Variants in LRRC36 observed in about 807,000 individuals in gnomAD.
The protein encoded by LRRC36 is leucine-rich repeat-containing protein 36.
A neutral mutation model predicts 81.1 loss-of-function variants in LRRC36; 62 were observed. That is an observed-to-expected ratio of 0.76 (90% confidence interval 0.62 to 0.94). The LOEUF (loss-of-function observed/expected upper bound fraction) is 0.94, where lower values mean the gene tolerates loss of function less well. LRRC36 is among the 40% of genes least tolerant of loss of function. The pLI is 0.00. For synonymous variants in LRRC36, 334 were observed against 348.6 expected, an observed-to-expected ratio of 0.96 and a Z score of 0.47; for missense variants, 761 against 881.7, an observed-to-expected ratio of 0.86 and a Z score of 1.73.
intron 1 of LRRC36, among the ~76,000 whole-genome samples, chr16:67,328,309 A>C (rs1345399253): frequency 6.6e-6 from 1 of 152,160 alleles, no homozygotes; most frequent in Non-Finnish European, 1.5e-5. Flanking sequence ...CAGGAGATCG[A>C]GACCATCCTG....
chr16:67,366,191 T>C (rs2039376968), intron 7 of LRRC36, among the ~76,000 whole-genome samples: 1 of 152,124 alleles, frequency 6.6e-6, no homozygotes, highest in South Asian at 2.1e-4. Flanking sequence ...CTCAATCTGT[T>C]GCCCAGGCTG....
intron 8 of LRRC36, among the ~76,000 whole-genome samples, chr16:67,368,741 T>C (rs1182936180): frequency 6.6e-6 from 1 of 152,056 alleles, no homozygotes; most frequent in African/African-American, 2.4e-5. Context: ...TTAAAATGCT[T>C]TGGAGAGATT....
chr16:67,355,533 C>A (rs1447523854), intron 5 of LRRC36, among the ~76,000 whole-genome samples: 1 of 151,412 alleles, frequency 6.6e-6, no homozygotes, highest in East Asian at 1.9e-4. Context: ...CGCCACTACG[C>A]CCGGCTAATT....
intron 9 of LRRC36, among the ~76,000 whole-genome samples, chr16:67,372,372 A>T (rs1427929345): frequency 1.3e-5 from 2 of 152,098 alleles, no homozygotes; most frequent in Non-Finnish European, 2.9e-5. Context: ...AAAAAAAAAT[A>T]AAATAAAATA....
rs778463059 is a variant in LRRC36 at position 67,382,258 on chromosome 16, G to A, written c.2045+11G>A. On this transcript the variant is annotated intron_variant, in intron 13 of 13. Transcript: ENST00000329956. ...CCATGAAAGTCAGAGGTAGGAGAGG[G>A]TCTATCTAGCTTGCTTCTAGAAGCA... The A allele has an allele frequency of 6.3e-7, 1 of 1,588,268 alleles. No homozygotes were observed. Among genetic ancestry groups the A allele is most frequent in the Non-Finnish European group, 8.6e-7 (1 of 1,157,822 alleles).
At position 67,363,625 on chromosome 16, in the gene LRRC36, C is replaced by T. The variant is rs745535581; in HGVS notation, c.613C>T (p.Arg205Trp). The T allele has an allele frequency of 6.2e-6, 10 of 1,613,830 alleles. No individual in the cohort carries two copies. The highest frequency in any genetic ancestry group is 4.5e-5 in the East Asian group (2 of 44,864). Reference protein sequence around the residue: ...NKGLFIPFPNREIKDSLSTSA... With the variant: ...NKGLFIPFPNWEIKDSLSTSA... The stretch of plus-strand genomic sequence containing the variant: ...AGGACTTTTTATTCCCTTCCCCAAC[C>T]GGGAAATAAAGGATTCCCTAAGTAC... Residue 205 changes from arginine (R) to tryptophan (W), a missense_variant, in exon 6 of 14, where the codon CGG (arginine) becomes TGG (tryptophan). This residue lies in a region of LRRC36 where 263 missense variants were observed against 279.3 expected (regional missense o/e 0.94). Coordinates refer to ENST00000329956, the MANE Select transcript of LRRC36 (RefSeq NM_018296.6).
At chr16:67,340,499 A>G (rs1012584062) in intron 1 of LRRC36, among the ~76,000 whole-genome samples, 111 of 151,966 alleles carry the variant, frequency 7.3e-4, no homozygotes, top group African/African-American at 2.6e-3. Context: ...TACCTAAAAT[A>G]CAAAAAATTA....
intron 6 of LRRC36, among the ~76,000 whole-genome samples, 154 bp downstream of exon 6, chr16:67,363,868 G>A (rs1056856909): frequency 4.6e-5 from 7 of 152,192 alleles, no homozygotes; most frequent in African/African-American, 1.7e-4. Context: ...AGAATGCAGA[G>A]TACCTTCTCC....
At chr16:67,366,681 C>T (rs1486873919) in intron 7 of LRRC36, among the ~76,000 whole-genome samples, 2 of 151,490 alleles carry the variant, frequency 1.3e-5, no homozygotes, top group African/African-American at 4.9e-5. Flanking sequence ...CTCTGGGAAG[C>T]GAAGGTTGCA....
chr16:67,346,183 A>G (rs1177139650), intron 2 of LRRC36, 73 bp from the exon 3 acceptor site: 1 of 973,036 alleles, frequency 1.0e-6, no homozygotes, highest in Admixed American at 2.3e-5. Flanking sequence ...AGTAACATAT[A>G]TTTCCATCTT....
intron 2 of LRRC36, among the ~76,000 whole-genome samples, chr16:67,345,703 A>G (rs1352973577): frequency 6.6e-6 from 1 of 152,104 alleles, no homozygotes; most frequent in Non-Finnish European, 1.5e-5. Flanking sequence ...TTGTTTCCCT[A>G]AATAGTCCTT....
At chr16:67,364,796 ATTTCTTTCTCTCCATGACTACC>A (rs2039309187) in intron 6 of LRRC36, among the ~76,000 whole-genome samples, 1 of 152,188 alleles carries the variant, frequency 6.6e-6, no homozygotes, top group South Asian at 2.1e-4. Flanking sequence ...AGGAAGTGGG[ATTTCTTTCTCTCCATGACTACC>A]AAAAAGACAC....
chr16:67,328,287 C>T (rs1338880470), intron 1 of LRRC36, among the ~76,000 whole-genome samples: 5 of 151,986 alleles, frequency 3.3e-5, no homozygotes, highest in Admixed American at 1.3e-4. Flanking sequence ...CCGAGGCGGG[C>T]GGATCACGAG....
intron 1 of LRRC36, among the ~76,000 whole-genome samples, chr16:67,329,577 A>G (rs959767150): frequency 1.3e-5 from 2 of 152,128 alleles, no homozygotes; most frequent in African/African-American, 2.4e-5. Flanking sequence ...ATCATGAAAT[A>G]TCTAACTAGT....
At chr16:67,350,623 G>A (rs2038584231) in intron 5 of LRRC36, among the ~76,000 whole-genome samples, 1 of 152,146 alleles carries the variant, frequency 6.6e-6, no homozygotes, top group East Asian at 1.9e-4. Context: ...TCACACCCTG[G>A]GCTTCCTGGG....
intron 5 of LRRC36, among the ~76,000 whole-genome samples, chr16:67,354,745 C>A (rs1265441999): frequency 6.6e-6 from 1 of 152,126 alleles, no homozygotes; most frequent in African/African-American, 2.4e-5. Flanking sequence ...TTGGATAAAC[C>A]TGCACTGACA....
intron 1 of LRRC36, among the ~76,000 whole-genome samples, chr16:67,340,105 G>T (rs200061631): frequency 6.6e-6 from 1 of 151,956 alleles, no homozygotes; most frequent in African/African-American, 2.4e-5. Flanking sequence ...TCGCACCATT[G>T]CACTCCAGCC....
At position 67,367,431 on chromosome 16, in the gene LRRC36, C is replaced by G. The variant is rs2142110356; in HGVS notation, c.1169C>G (p.Thr390Ser). The change falls in exon 8 of 14, where the codon ACT (threonine) becomes AGT (serine). Residue 390 changes from threonine to serine, a missense_variant. By Grantham distance (58) the Thr-to-Ser change is moderately conservative (BLOSUM62 1). Transcript: ENST00000329956. ...TCTCTGTCAAACCCTGACTCCAGCA[C>G]TGGAAGGCTTTTGAAGCTTAGTTCA... The part of the protein sequence containing the change: ...LTSLSNPDSS[T>S]GRLLKLSSDL... 1 of 1,612,722 alleles carries G rather than the reference C, an allele frequency of 6.2e-7. No individual in the cohort carries two copies. The highest frequency in any genetic ancestry group is 8.5e-7 in the Non-Finnish European group (1 of 1,179,256).
chr16:67,347,469 G>T, intron 3 of LRRC36, 26 bp from the exon 4 acceptor site: 1 of 1,611,850 alleles, frequency 6.2e-7, no homozygotes. Flanking sequence ...AAAGAAACAT[G>T]CTCAGACCAC....
Sources: gnomAD v4.1 joint callset for allele counts (sites outside exome capture counted in the v4.1 genomes callset) on GRCh38, gnomAD v4.1.1 for gene constraint, gnomAD v4.1.1 regional missense constraint, MANE v1.5 for transcripts, NCBI Gene and HGNC (gene_info 2026-07-23, HGNC 2026-07-21) for gene names.